Variants in MACROD2 observed in about 807,000 individuals in gnomAD.
MACROD2 encodes mono-ADP ribosylhydrolase 2.
MACROD2 carries 36 observed loss-of-function variants against 70.4 expected under a neutral mutation model. The ratio of observed to expected loss-of-function variants is 0.51; its 90% CI spans 0.39 to 0.68. The LOEUF (loss-of-function observed/expected upper bound fraction) is 0.68. Among genes scored for constraint, MACROD2 ranks in the 30% least tolerant of loss-of-function variants. The pLI is 0.00. For synonymous variants in MACROD2, 172 were observed against 178.8 expected, an observed-to-expected ratio of 0.96 and a Z score of 0.30; for missense variants, 496 against 538.4, an observed-to-expected ratio of 0.92 and a Z score of 0.78.
intron 4 of MACROD2, among the ~76,000 whole-genome samples, chr20:14,611,686 A>G (rs1983179768): frequency 1.3e-5 from 2 of 152,056 alleles, no homozygotes; most frequent in South Asian, 4.1e-4. Context: ...ATTCTGACCC[A>G]TAAAAGGAAG....
chr20:14,602,770 A>G (rs1265010848), intron 4 of MACROD2, among the ~76,000 whole-genome samples: 1 of 152,220 alleles, frequency 6.6e-6, no homozygotes, highest in African/African-American at 2.4e-5. Context: ...TAAAAATTGA[A>G]AAGTTAAATA....
intron 3 of MACROD2, among the ~76,000 whole-genome samples, chr20:14,392,952 G>C (rs6042709): frequency 0.015 from 2,268 of 152,198 alleles, 55 homozygotes; most frequent in African/African-American, 0.052. Flanking sequence ...CAGACTGTCT[G>C]TGGTACCCAT....
chr20:15,878,353 C>A (rs534763413), intron 9 of MACROD2, among the ~76,000 whole-genome samples: 1 of 152,064 alleles, frequency 6.6e-6, no homozygotes, highest in Non-Finnish European at 1.5e-5. Context: ...TGCTTTGGAC[C>A]AGTGGCTCTC....
chr20:15,620,384 G>C (rs1002371223), intron 8 of MACROD2, among the ~76,000 whole-genome samples: 2 of 152,076 alleles, frequency 1.3e-5, no homozygotes, highest in Non-Finnish European at 2.9e-5. Context: ...ACCCAGGTTG[G>C]ATATTTAGAT....
At chr20:15,995,624 A>AGTGCTGG (rs1239514565) in intron 15 of MACROD2, among the ~76,000 whole-genome samples, 4 of 135,590 alleles carry the variant, frequency 3.0e-5, no homozygotes, top group African/African-American at 1.1e-4. Flanking sequence ...TGCTGGGATT[A>AGTGCTGG]CAGGCATGAG....
intron 16 of MACROD2, 56 bp from the exon 17 acceptor site, chr20:16,044,515 G>T (rs1433212566): frequency 1.4e-6 from 2 of 1,438,806 alleles, no homozygotes; most frequent in Non-Finnish European, 1.9e-6. Context: ...ATTTTAATGT[G>T]TCTCAGAGAT....
intron 7 of MACROD2, among the ~76,000 whole-genome samples, chr20:15,492,432 A>C (rs1009196640): frequency 1.3e-5 from 2 of 152,098 alleles, no homozygotes; most frequent in East Asian, 3.9e-4. Context: ...AAATAACAAC[A>C]CACAATGCAT....
chr20:14,312,091 T>A (rs1177581686), intron 3 of MACROD2, among the ~76,000 whole-genome samples: 1 of 152,166 alleles, frequency 6.6e-6, no homozygotes, highest in East Asian at 1.9e-4. Flanking sequence ...ATGTGACTGC[T>A]AGATATTCTT....
At chr20:14,737,084 C>G (rs1354091434) in intron 5 of MACROD2, among the ~76,000 whole-genome samples, 1 of 152,028 alleles carries the variant, frequency 6.6e-6, no homozygotes, top group Non-Finnish European at 1.5e-5. Context: ...AGGTATTTCT[C>G]CTAATGCTAT....
intron 9 of MACROD2, among the ~76,000 whole-genome samples, chr20:15,866,574 T>G (rs2064496816): frequency 6.6e-6 from 1 of 152,156 alleles, no homozygotes; most frequent in Non-Finnish European, 1.5e-5. Flanking sequence ...ATTTTAAAAT[T>G]GAGATTGGCA....
intron 4 of MACROD2, among the ~76,000 whole-genome samples, chr20:14,653,546 A>G (rs2123516326): frequency 7.1e-6 from 1 of 141,190 alleles, no homozygotes; most frequent in Admixed American, 7.1e-5. Flanking sequence ...TTAAGAGATG[A>G]GTTCTCCTTA....
At chr20:15,816,951 C>T (rs181964909) in intron 8 of MACROD2, among the ~76,000 whole-genome samples, 285 of 152,196 alleles carry the variant, frequency 1.9e-3, no homozygotes, top group African/African-American at 6.6e-3. Flanking sequence ...TTCGTGCCAG[C>T]GAGAATTCAA....
At chr20:15,234,340 T>C (rs2076994961) in intron 6 of MACROD2, among the ~76,000 whole-genome samples, 1 of 148,584 alleles carries the variant, frequency 6.7e-6, no homozygotes, top group Admixed American at 6.7e-5. Flanking sequence ...CCTATATATA[T>C]ATATTCTTGA....
intron 4 of MACROD2, among the ~76,000 whole-genome samples, chr20:14,562,255 C>A (rs537385407): frequency 6.6e-6 from 1 of 151,984 alleles, no homozygotes; most frequent in South Asian, 2.1e-4. Flanking sequence ...AGAACATCCT[C>A]AAGCATTATT....
At chr20:15,876,240 A>G (rs550639136) in intron 9 of MACROD2, among the ~76,000 whole-genome samples, 87 of 151,866 alleles carry the variant, frequency 5.7e-4, no homozygotes, top group Admixed American at 2.2e-3. Context: ...CATTAAGTAT[A>G]TCTCCTAATG....
chr20:15,520,449 C>T (rs935173429), intron 8 of MACROD2, among the ~76,000 whole-genome samples: 1 of 152,228 alleles, frequency 6.6e-6, no homozygotes, highest in African/African-American at 2.4e-5. Flanking sequence ...GCAGGCCATC[C>T]ATCCCTTTCA....
chr20:14,239,787 G>A (rs2081912908), intron 3 of MACROD2, among the ~76,000 whole-genome samples: 5 of 152,094 alleles, frequency 3.3e-5, no homozygotes, highest in Non-Finnish European at 7.4e-5. Flanking sequence ...ATTTCATGAC[G>A]TAGATGCCAA....
intron 6 of MACROD2, among the ~76,000 whole-genome samples, chr20:15,406,657 C>A (rs2146317322): frequency 6.6e-6 from 1 of 152,182 alleles, no homozygotes; most frequent in Non-Finnish European, 1.5e-5. Flanking sequence ...CTTATATAAA[C>A]TTTACTAGGC....
At chr20:15,303,431 A>C (rs1232479052) in intron 6 of MACROD2, among the ~76,000 whole-genome samples, 14 of 152,274 alleles carry the variant, frequency 9.2e-5, no homozygotes. Context: ...GAGATCATAA[A>C]GTCATCATGC....
Sources: gnomAD v4.1 joint callset for allele counts (sites outside exome capture counted in the v4.1 genomes callset) on GRCh38, gnomAD v4.1.1 for gene constraint, MANE v1.5 for transcripts, NCBI Gene and HGNC (gene_info 2026-07-23, HGNC 2026-07-21) for gene names.